Variants in FAM110B observed in about 807,000 individuals in gnomAD.
FAM110B encodes protein FAM110B.
FAM110B carries 6 observed loss-of-function variants against 20.4 expected under a neutral mutation model. The ratio of observed to expected loss-of-function variants is 0.29; its 90% CI spans 0.16 to 0.58. FAM110B has a LOEUF of 0.58. FAM110B is among the 20% of genes least tolerant of loss of function. The probability of loss-of-function intolerance (pLI) is 0.90; values close to 1 mark genes in which losing one functional copy is unlikely to be tolerated. For missense variants in FAM110B, 434 were observed against 498.2 expected (o/e 0.87, Z 1.23); for synonymous variants, 226 against 214.1 (o/e 1.06, Z -0.49).
In FAM110B at chr8:58,110,992, G is replaced by A. The variant is rs183757733; in HGVS notation, c.-324-34915G>A. On this transcript the variant is annotated intron_variant, in intron 3 of 3. Coordinates refer to ENST00000519262, the MANE Select transcript of FAM110B (RefSeq NM_001377989.1). ...GGAACTATACTTTCCTCAAGATAGC[G>A]TTATTTTTAAATCTGTGAAACTGAC... Among the ~76,000 whole-genome samples the A allele has an allele frequency of 2.8e-4, 43 of 152,212 alleles. No individual in the cohort carries two copies. In the East Asian group the frequency reaches 4.2e-3, roughly 15 times the overall value.
chr8:58,061,621 C>A (rs1196777357), intron 2 of FAM110B, among the ~76,000 whole-genome samples: 1 of 152,172 alleles, frequency 6.6e-6, no homozygotes, highest in Non-Finnish European at 1.5e-5. Context: ...AAATAAAGTA[C>A]AAGAGAGACC....
intron 2 of FAM110B, among the ~76,000 whole-genome samples, chr8:58,055,130 A>C (rs892483681): frequency 6.6e-6 from 1 of 152,174 alleles, no homozygotes; most frequent in Admixed American, 6.5e-5. Context: ...TAGTTTATCT[A>C]CTGTAATGAG....
At chr8:58,003,339 G>A (rs1001689416) in intron 1 of FAM110B, among the ~76,000 whole-genome samples, 1 of 152,144 alleles carries the variant, frequency 6.6e-6, no homozygotes, top group Non-Finnish European at 1.5e-5. Flanking sequence ...TGAGAGTTGG[G>A]ATCAACTTCT....
intron 2 of FAM110B, among the ~76,000 whole-genome samples, chr8:58,059,390 GT>G (rs1286412547): frequency 3.9e-5 from 6 of 152,142 alleles, no homozygotes; most frequent in African/African-American, 1.4e-4. Context: ...GTGTGTGGGA[GT>G]TCCAGTTGTT....
At chr8:58,074,943 ATTC>A (rs1264746081) in intron 2 of FAM110B, among the ~76,000 whole-genome samples, 1 of 152,186 alleles carries the variant, frequency 6.6e-6, no homozygotes, top group African/African-American at 2.4e-5. Context: ...TTGATACTAT[ATTC>A]TTCTTTCTGC....
At chr8:58,093,101 G>A (rs1352600959) in intron 3 of FAM110B, among the ~76,000 whole-genome samples, 1 of 151,782 alleles carries the variant, frequency 6.6e-6, no homozygotes, top group Non-Finnish European at 1.5e-5. Flanking sequence ...GTCGTTTGTG[G>A]GTTTTTTTTG....
intron 2 of FAM110B, among the ~76,000 whole-genome samples, chr8:58,041,713 A>C (rs1052744061): frequency 6.6e-6 from 1 of 152,214 alleles, no homozygotes; most frequent in Non-Finnish European, 1.5e-5. Context: ...CTTGCATTGC[A>C]CTGATTGGTG....
At chr8:58,053,510 T>A (rs900651973) in intron 2 of FAM110B, among the ~76,000 whole-genome samples, 1 of 152,150 alleles carries the variant, frequency 6.6e-6, no homozygotes, top group Non-Finnish European at 1.5e-5. Context: ...TGACATGCAA[T>A]GGAGACATGT....
intron 2 of FAM110B, among the ~76,000 whole-genome samples, chr8:58,056,394 G>A (rs1190476957): frequency 6.6e-6 from 1 of 152,020 alleles, no homozygotes; most frequent in African/African-American, 2.4e-5. Context: ...ATTTCTTCAG[G>A]TTGTTAAAAT....
At chr8:58,106,998 A>G (rs1806934157) in intron 3 of FAM110B, among the ~76,000 whole-genome samples, 1 of 152,182 alleles carries the variant, frequency 6.6e-6, no homozygotes, top group Non-Finnish European at 1.5e-5. Context: ...GCCGTTGATT[A>G]TTAAGTACTC....
At chr8:58,088,887 C>T (rs1308119802) in intron 3 of FAM110B, among the ~76,000 whole-genome samples, 2 of 152,178 alleles carry the variant, frequency 1.3e-5, no homozygotes, top group Non-Finnish European at 2.9e-5. Context: ...AAATCTGTGA[C>T]ATTTTTCCTT....
intron 3 of FAM110B, among the ~76,000 whole-genome samples, chr8:58,107,544 G>A (rs534218965): frequency 1.8e-4 from 27 of 152,136 alleles, no homozygotes; most frequent in Non-Finnish European, 3.2e-4. Context: ...AGAATGTTTT[G>A]ATTTTTAAAA....
chr8:58,080,685 A>G (rs1201140346), intron 3 of FAM110B, among the ~76,000 whole-genome samples: 1 of 152,208 alleles, frequency 6.6e-6, no homozygotes, highest in Non-Finnish European at 1.5e-5. Context: ...AGAATGCTAA[A>G]TATTCAATTC....
intron 1 of FAM110B, among the ~76,000 whole-genome samples, chr8:58,006,921 A>ATTTT (rs142497701): frequency 0.13 from 15,679 of 119,476 alleles, 1,491 homozygotes; most frequent in African/African-American, 0.26. Flanking sequence ...ATATATATAT[A>ATTTT]TATTTTTCCA....
At chr8:58,032,103 C>A (rs879328452) in intron 2 of FAM110B, 101 of 152,290 alleles carry the variant, frequency 6.6e-4, no homozygotes, top group Non-Finnish European at 1.1e-3. Flanking sequence ...GCCCCACCTT[C>A]ACTATCCCCA....
chr8:58,013,742 C>A (rs1238741907), intron 1 of FAM110B, among the ~76,000 whole-genome samples: 1 of 152,178 alleles, frequency 6.6e-6, no homozygotes, highest in Non-Finnish European at 1.5e-5. Context: ...TTTCTGGCAC[C>A]ACCTTTTTTA....
chr8:58,124,405 A>T (rs1236356706), intron 3 of FAM110B, among the ~76,000 whole-genome samples: 2 of 152,250 alleles, frequency 1.3e-5, no homozygotes, highest in Non-Finnish European at 2.9e-5. Flanking sequence ...AAATGCTTCC[A>T]TCTCAAAGCC....
intron 1 of FAM110B, among the ~76,000 whole-genome samples, chr8:58,027,357 C>T (rs1315970141): frequency 6.6e-6 from 1 of 151,634 alleles, no homozygotes; most frequent in Non-Finnish European, 1.5e-5. Context: ...TGTTGAGTAC[C>T]ATCCACTGAA....
chr8:58,104,388 T>C (rs1234193692), intron 3 of FAM110B, among the ~76,000 whole-genome samples: 1 of 152,196 alleles, frequency 6.6e-6, no homozygotes, highest in Non-Finnish European at 1.5e-5. Flanking sequence ...AATTTAAATA[T>C]ATCGTTTTAT....
Sources: gnomAD v4.1 joint callset for allele counts (sites outside exome capture counted in the v4.1 genomes callset) on GRCh38, gnomAD v4.1.1 for gene constraint, MANE v1.5 for transcripts, NCBI Gene and HGNC (gene_info 2026-07-23, HGNC 2026-07-21) for gene names.